GOLPH3: variants seen among roughly 807,000 people sequenced by gnomAD.
The protein encoded by GOLPH3 is coat protein GPP34.
A neutral mutation model predicts 28.5 loss-of-function variants in GOLPH3; 14 were observed. That is an observed-to-expected ratio of 0.49 (90% confidence interval 0.32 to 0.77). The LOEUF is 0.77. Ranked by LOEUF, GOLPH3 falls within the 30% of genes least tolerant of loss-of-function variation. The pLI is 0.03. For missense variants in GOLPH3, 350 were observed against 393.7 expected (o/e 0.89, Z 0.94); for synonymous variants, 158 against 159.2 (o/e 0.99, Z 0.06).
At chr5:32,149,367 G>C (rs1746253459) in intron 1 of GOLPH3, among the ~76,000 whole-genome samples, 1 of 152,202 alleles carries the variant, frequency 6.6e-6, no homozygotes, top group African/African-American at 2.4e-5. Flanking sequence ...AATGGGAAAA[G>C]GGAGAGGTAA....
chr5:32,153,059 T>C lies in GOLPH3; in HGVS notation c.226-9179A>G, dbSNP rs561627036. 2.6e-5 allele frequency among the ~76,000 whole-genome samples: 4 copies of C among 152,294 alleles called. No homozygotes were observed. The East Asian group carries it at 7.7e-4, about 29-fold the overall frequency. On this transcript the variant is annotated intron_variant, in intron 1 of 3. Transcript: ENST00000265070. ...GTGATATTATCTGTAGGAGCAAAAGTTTGGAAACAACCCATAAATCCATCA... is the reference window on the plus strand; with the variant it reads ...GTGATATTATCTGTAGGAGCAAAAGCTTGGAAACAACCCATAAATCCATCA...
intron 1 of GOLPH3, among the ~76,000 whole-genome samples, chr5:32,159,026 CT>C (rs1429912519): frequency 3.3e-5 from 5 of 152,340 alleles, no homozygotes; most frequent in Admixed American, 3.3e-4. Flanking sequence ...CTCAGAGGAC[CT>C]GCCACGCACT....
chr5:32,136,871 T>C (rs1000468221), intron 2 of GOLPH3, among the ~76,000 whole-genome samples: 28 of 152,224 alleles, frequency 1.8e-4, no homozygotes, highest in Admixed American at 1.1e-3. Flanking sequence ...ATAAAGGTGG[T>C]ATTTCACATC....
chr5:32,141,801 G>A (rs995994715), intron 2 of GOLPH3, among the ~76,000 whole-genome samples: 13 of 152,022 alleles, frequency 8.6e-5, no homozygotes, highest in Admixed American at 5.9e-4. Flanking sequence ...ACGGGGATTC[G>A]CTGTGTTGGC....
intron 2 of GOLPH3, among the ~76,000 whole-genome samples, chr5:32,136,587 T>C (rs1157460579): frequency 2.0e-5 from 3 of 152,050 alleles, no homozygotes. Flanking sequence ...GATCCAGAAA[T>C]TCATTTAAGC....
chr5:32,163,665 T>C (rs1443782334), intron 1 of GOLPH3, among the ~76,000 whole-genome samples: 2 of 89,494 alleles, frequency 2.2e-5, no homozygotes, highest in African/African-American at 8.2e-5. Context: ...AATATATACA[T>C]ATATATATAT....
chr5:32,127,452 T>C (rs1399734728), intron 3 of GOLPH3, among the ~76,000 whole-genome samples: 1 of 152,250 alleles, frequency 6.6e-6, no homozygotes, highest in Admixed American at 6.5e-5. Flanking sequence ...ATGCAAACGT[T>C]GTAAGGTCGA....
chr5:32,149,497 A>G (rs540385612), intron 1 of GOLPH3, among the ~76,000 whole-genome samples: 2 of 152,228 alleles, frequency 1.3e-5, no homozygotes, highest in African/African-American at 2.4e-5. Flanking sequence ...ATTATATGGC[A>G]TATGAATCAT....
At chr5:32,132,647 C>A (rs1279173162) in intron 3 of GOLPH3, among the ~76,000 whole-genome samples, 1 of 152,176 alleles carries the variant, frequency 6.6e-6, no homozygotes, top group Non-Finnish European at 1.5e-5. Context: ...GGTGCAATAA[C>A]TGGTGTTTGA....
At chr5:32,163,675 TA>T (rs143013893) in intron 1 of GOLPH3, among the ~76,000 whole-genome samples, 85,785 of 149,104 alleles carry the variant, frequency 0.58, 24,556 homozygotes, top group Admixed American at 0.64. Context: ...TATATATATA[TA>T]TTTTTTTTCT....
At chr5:32,162,399 G>A (rs1746604706) in intron 1 of GOLPH3, among the ~76,000 whole-genome samples, 2 of 151,604 alleles carry the variant, frequency 1.3e-5, no homozygotes, top group South Asian at 2.1e-4. Flanking sequence ...GGCTGAGGCA[G>A]GAGAATGGCA....
At chr5:32,129,838 A>C (rs1395222084) in intron 3 of GOLPH3, among the ~76,000 whole-genome samples, 2 of 151,766 alleles carry the variant, frequency 1.3e-5, no homozygotes, top group Non-Finnish European at 2.9e-5. Flanking sequence ...AAAGTGTGTA[A>C]CTTCCACCCT....
intron 1 of GOLPH3, among the ~76,000 whole-genome samples, chr5:32,162,694 G>C (rs776437269): frequency 1.3e-4 from 20 of 152,168 alleles, no homozygotes; most frequent in Non-Finnish European, 2.6e-4. Flanking sequence ...TTACCCATTT[G>C]CATTTGTTCA....
chr5:32,148,357 T>C (rs1030626864), intron 1 of GOLPH3, among the ~76,000 whole-genome samples: 2 of 152,264 alleles, frequency 1.3e-5, no homozygotes, highest in African/African-American at 4.8e-5. Context: ...CAGTTACTAG[T>C]AGTCTGTATA....
In GOLPH3 at chr5:32,130,817, C is replaced by T. The variant is rs1389010633; in HGVS notation, c.473-4181G>A. 2.0e-5 allele frequency among the ~76,000 whole-genome samples: 3 copies of T among 152,102 alleles called. No homozygotes were observed. In the East Asian group the frequency reaches 5.8e-4, roughly 29 times the overall value. ...TATGACTACTGTCTCTTATACTGAA[C>T]TTATGCTAAGGTTTATCCTCACCTT... On this transcript the variant is annotated intron_variant, in intron 3 of 3. Transcript: ENST00000265070.
chr5:32,153,285 C>T (rs1397801744), intron 1 of GOLPH3, among the ~76,000 whole-genome samples: 1 of 151,876 alleles, frequency 6.6e-6, no homozygotes, highest in Non-Finnish European at 1.5e-5. Context: ...TATAGTTTTG[C>T]TAACAAAATA....
Position 32,126,317 on chromosome 5 carries a change from A to C in GOLPH3, c.792T>G (p.Ala264=), listed in dbSNP as rs1400880167. The C allele has an allele frequency of 6.2e-7, 1 of 1,614,194 alleles. No individual in the cohort carries two copies. The highest frequency in any genetic ancestry group is 1.7e-5 in the Admixed American group (1 of 60,018). ...APLLDEQYDL[A]TKRVRQLLDL... is the part of the protein sequence containing the mutation. ...CGAGAAGCTGCCGCACTCTCTTGGT[A>C]GCCAAATCATACTGCTCGTCCAGAA... Residue 264 remains alanine (A), a synonymous_variant, in exon 4 of 4, where the codon GCT becomes GCG. Transcript: ENST00000265070.
chr5:32,161,770 G>A (rs1262435398), intron 1 of GOLPH3, among the ~76,000 whole-genome samples: 2 of 151,284 alleles, frequency 1.3e-5, no homozygotes, highest in Non-Finnish European at 2.9e-5. Context: ...GCTCACGCCT[G>A]TAATCCCAGC....
In GOLPH3 at chr5:32,171,741, A is replaced by G. The variant is rs1050725239; in HGVS notation, c.225+2069T>C. ...GGCAAGTGGATCACTTGAGGTCAGGAGTTCAAAAGCAGCCTGACAAACATG... is the reference window on the plus strand; with the variant it reads ...GGCAAGTGGATCACTTGAGGTCAGGGGTTCAAAAGCAGCCTGACAAACATG... On this transcript the variant is annotated intron_variant, in intron 1 of 3. Coordinates refer to ENST00000265070, the MANE Select transcript of GOLPH3 (RefSeq NM_022130.4). 2.6e-5 allele frequency among the ~76,000 whole-genome samples: 4 copies of G among 152,266 alleles called. 1 individual carries two copies. The highest frequency in any genetic ancestry group is 2.6e-4 in the Admixed American group (4 of 15,296).
Sources: gnomAD v4.1 joint callset for allele counts (sites outside exome capture counted in the v4.1 genomes callset) on GRCh38, gnomAD v4.1.1 for gene constraint, MANE v1.5 for transcripts, NCBI Gene and HGNC (gene_info 2026-07-23, HGNC 2026-07-21) for gene names.